The following SYT9 variants were observed in gnomAD, a reference collection of about 807,000 sequenced individuals.
SYT9 encodes synaptotagmin-9.
In SYT9, 22 loss-of-function variants were observed where a neutral mutation model predicts 48.4. The observed-to-expected ratio is 0.45, with a 90% CI of 0.32 to 0.65. SYT9 has a LOEUF of 0.65. Among genes scored for constraint, SYT9 ranks in the 30% least tolerant of loss-of-function variants. SYT9 has a pLI of 0.03. For synonymous variants in SYT9, 265 were observed against 245.0 expected (o/e 1.08, Z -0.76); for missense variants, 577 against 622.0 (o/e 0.93, Z 0.77).
chr11:7,304,420 T>G (rs1848997477), intron 2 of SYT9, among the ~76,000 whole-genome samples: 1 of 152,182 alleles, frequency 6.6e-6, no homozygotes, highest in African/African-American at 2.4e-5. Context: ...TTGGCCTGAG[T>G]GATGGCCAGA....
chr11:7,424,581 A>G (rs1015562899), intron 6 of SYT9, among the ~76,000 whole-genome samples: 2 of 152,216 alleles, frequency 1.3e-5, no homozygotes, highest in Admixed American at 6.5e-5. Flanking sequence ...CTGTTGTATG[A>G]ATAAGTACTA....
At chr11:7,239,945 G>T (rs1847724050) in intron 1 of SYT9, among the ~76,000 whole-genome samples, 1 of 152,172 alleles carries the variant, frequency 6.6e-6, no homozygotes, top group South Asian at 2.1e-4. Flanking sequence ...AGCTAAGAGG[G>T]AGATCATGGC....
chr11:7,446,109 C>A (rs1847924140), intron 6 of SYT9, among the ~76,000 whole-genome samples: 1 of 152,194 alleles, frequency 6.6e-6, no homozygotes, highest in South Asian at 2.1e-4. Context: ...GGCAGACTTG[C>A]CTGAAAAACA....
chr11:7,382,163 T>G (rs1163612196), intron 3 of SYT9, among the ~76,000 whole-genome samples: 2 of 152,220 alleles, frequency 1.3e-5, no homozygotes, highest in African/African-American at 4.8e-5. Flanking sequence ...CATAGGATCC[T>G]ATGATATTAG....
chr11:7,285,008 T>G (rs887856837), intron 1 of SYT9, among the ~76,000 whole-genome samples: 47 of 152,104 alleles, frequency 3.1e-4, no homozygotes, highest in African/African-American at 1.1e-3. Context: ...AACTATGGAG[T>G]TTGGGCATTG....
chr11:7,310,983 C>T (rs1234529504), intron 2 of SYT9, among the ~76,000 whole-genome samples: 1 of 152,072 alleles, frequency 6.6e-6, no homozygotes, highest in Non-Finnish European at 1.5e-5. Context: ...ACTAAGTAGC[C>T]AAATCCATGT....
rs547188203 is a variant in SYT9 at position 7,416,369 on chromosome 11, G to A, written c.1165+207G>A. On this transcript the variant is annotated intron_variant, in intron 4 of 6. Transcript: ENST00000318881. ...TCGGTAAGATGAGAGTAATTATAGC[G>A]TCTGGCTCACCGGGCTGTTGTAAAA... Among the ~76,000 whole-genome samples the A allele has an allele frequency of 2.0e-5, 3 of 152,216 alleles. No homozygotes were observed. The East Asian group carries it at 5.8e-4, about 29-fold the overall frequency.
intron 3 of SYT9, among the ~76,000 whole-genome samples, chr11:7,385,369 T>TGTGTGTGC (rs1554916984): frequency 2.0e-5 from 3 of 147,896 alleles, no homozygotes; most frequent in South Asian, 2.1e-4. Flanking sequence ...TGTGTGTGTG[T>TGTGTGTGC]GCGTGTGTGT....
chr11:7,247,225 A>T (rs570604563), upstream of SYT9, among the ~76,000 whole-genome samples: 1 of 152,022 alleles, frequency 6.6e-6, no homozygotes, highest in Non-Finnish European at 1.5e-5. Flanking sequence ...GCTGCACCCT[A>T]TTTGAAGTCT....
At chr11:7,436,929 A>C (rs2134127817) in intron 6 of SYT9, among the ~76,000 whole-genome samples, 1 of 152,344 alleles carries the variant, frequency 6.6e-6, no homozygotes, top group Non-Finnish European at 1.5e-5. Flanking sequence ...TCTTCTGTAA[A>C]ATGGGGATAT....
chr11:7,463,976 T>TA (rs888240375), intron 6 of SYT9, among the ~76,000 whole-genome samples: 9 of 151,738 alleles, frequency 5.9e-5, no homozygotes, highest in East Asian at 3.9e-4. Context: ...TGGGGACTGG[T>TA]AAAAAAAATT....
intron 6 of SYT9, among the ~76,000 whole-genome samples, chr11:7,448,564 C>T (rs1214865803): frequency 6.6e-6 from 1 of 152,240 alleles, no homozygotes; most frequent in Non-Finnish European, 1.5e-5. Flanking sequence ...CAATTTCATG[C>T]TGCGATTATG....
intron 3 of SYT9, among the ~76,000 whole-genome samples, chr11:7,371,210 A>G: frequency 6.6e-6 from 1 of 152,130 alleles, no homozygotes; most frequent in South Asian, 2.1e-4. Flanking sequence ...CTTGCAAATA[A>G]ACCTTTAAAT....
intron 1 of SYT9, among the ~76,000 whole-genome samples, chr11:7,267,325 TA>T (rs1848203790): frequency 6.6e-6 from 1 of 151,984 alleles, no homozygotes; most frequent in Non-Finnish European, 1.5e-5. Context: ...ACGAAACATT[TA>T]AAAAATTAAT....
In SYT9 at chr11:7,466,869, CTT is replaced by C. The variant is rs35083833; in HGVS notation, c.*73_*74del. On this transcript the variant is annotated 3_prime_UTR_variant, in exon 7 of 7. Coordinates refer to ENST00000318881, the MANE Select transcript of SYT9 (RefSeq NM_175733.4). ...ACCATCTCACAAAGATCTTAAGTAA[CTT>C]TTTCCATCCAGCAACATCCAGACGA... is the stretch of plus-strand genomic sequence containing the variant. 1.1e-5 allele frequency: 17 copies of C among 1,578,874 alleles called. No homozygotes were observed. The highest frequency in any genetic ancestry group is 1.4e-5 in the Non-Finnish European group (16 of 1,155,746).
intron 3 of SYT9, 80 bp from the exon 4 acceptor site, chr11:7,415,962 T>G: frequency 1.3e-6 from 2 of 1,578,992 alleles, no homozygotes; most frequent in Non-Finnish European, 1.7e-6. Context: ...GTGTTCCCTT[T>G]CAGTGTGGCC....
chr11:7,325,661 C>T (rs879384180), intron 3 of SYT9, among the ~76,000 whole-genome samples: 10,904 of 64,576 alleles, frequency 0.17, no homozygotes, highest in Non-Finnish European at 0.23. Context: ...TGAATAGGAG[C>T]GGTGAGAGAG....
intron 3 of SYT9, among the ~76,000 whole-genome samples, chr11:7,343,084 AT>A (rs1270268094): frequency 1.3e-5 from 2 of 152,126 alleles, no homozygotes; most frequent in African/African-American, 4.8e-5. Flanking sequence ...CCACAGACCC[AT>A]TTTTTATCCT....
intron 1 of SYT9, among the ~76,000 whole-genome samples, chr11:7,241,509 T>C (rs755811020): frequency 9.2e-5 from 14 of 152,164 alleles, no homozygotes; most frequent in Non-Finnish European, 1.3e-4. Context: ...GTAACTCTAA[T>C]GCACATGGAT....
Sources: allele counts gnomAD v4.1 joint callset (sites outside exome capture counted in the v4.1 genomes callset), GRCh38; gene constraint gnomAD v4.1.1; transcripts MANE v1.5; gene names NCBI Gene and HGNC (gene_info 2026-07-23, HGNC 2026-07-21).